Variants in NUMB observed in about 807,000 individuals in gnomAD.
NUMB encodes the protein protein numb homolog.
NUMB carries 29 observed loss-of-function variants against 59.7 expected under a neutral mutation model. That is an observed-to-expected ratio of 0.49 (90% CI 0.36 to 0.66). The LOEUF (loss-of-function observed/expected upper bound fraction) is 0.66, where lower values mean the gene tolerates loss of function less well. Among genes scored for constraint, NUMB ranks in the 30% least tolerant of loss-of-function variants. The pLI is 0.00. For missense variants in NUMB, 723 were observed against 822.0 expected, an observed-to-expected ratio of 0.88 and a Z score of 1.47; for synonymous variants, 288 against 288.2, an observed-to-expected ratio of 1.00 and a Z score of 0.01.
At chr14:73,454,843 C>T (rs1884235510) in intron 1 of NUMB, among the ~76,000 whole-genome samples, 1 of 152,130 alleles carries the variant, frequency 6.6e-6, no homozygotes, top group Non-Finnish European at 1.5e-5. Flanking sequence ...GAAGAATGAA[C>T]TTTTCTATTT....
intron 1 of NUMB, among the ~76,000 whole-genome samples, chr14:73,430,540 G>A (rs1897779009): frequency 6.6e-6 from 1 of 151,994 alleles, no homozygotes; most frequent in Non-Finnish European, 1.5e-5. Context: ...AGGCTGAGGT[G>A]GAAGGATCAC....
chr14:73,452,096 A>C (rs1431247222), intron 1 of NUMB, among the ~76,000 whole-genome samples: 1 of 152,146 alleles, frequency 6.6e-6, no homozygotes, highest in Non-Finnish European at 1.5e-5. Flanking sequence ...GTGGTGGCTC[A>C]CGCCTGGAAT....
intron 6 of NUMB, among the ~76,000 whole-genome samples, chr14:73,306,387 T>C (rs539745982): frequency 6.6e-6 from 1 of 152,282 alleles, no homozygotes; most frequent in African/African-American, 2.4e-5. Flanking sequence ...AAATGAAAAT[T>C]CTAGAGGCAT....
Position 73,355,644 on chromosome 14 carries a change from T to C in NUMB, c.108A>G (p.Lys36=), listed in dbSNP as rs113036648. 19 of 1,613,274 alleles carry C rather than the reference T, an allele frequency of 1.2e-5. No individual in the cohort carries two copies. The African/African-American group carries it at 1.2e-4, about 10-fold the overall frequency. The change falls in exon 4 of 13, where the codon AAA becomes AAG. Residue 36 remains lysine, a synonymous_variant. Coordinates refer to ENST00000555238, the MANE Select transcript of NUMB (RefSeq NM_001005743.2). ...QTDEEGVRTG[K]CSFPVKYLGH... is the part of the protein sequence containing the mutation. ...CTCTTACCTTAACCGGGAAGCTACA[T>C]TTTCCGGTGCGAACGCCTTCTTCAT... is the stretch of plus-strand genomic sequence containing the variant.
chr14:73,412,659 G>T (rs1179331414), intron 1 of NUMB, among the ~76,000 whole-genome samples: 2 of 151,786 alleles, frequency 1.3e-5, no homozygotes, highest in African/African-American at 4.8e-5. Flanking sequence ...AAGAGATGGG[G>T]TGTCTTGCTC....
At chr14:73,302,099 A>T (rs1477079586) in intron 6 of NUMB, among the ~76,000 whole-genome samples, 4 of 151,974 alleles carry the variant, frequency 2.6e-5, no homozygotes, top group African/African-American at 9.7e-5. Context: ...AAAAAAAAAT[A>T]AAAAAAATTG....
intron 10 of NUMB, among the ~76,000 whole-genome samples, chr14:73,283,339 C>T (rs1211404406): frequency 6.6e-6 from 1 of 152,160 alleles, no homozygotes; most frequent in Non-Finnish European, 1.5e-5. Context: ...TACTTTTATA[C>T]CATCAGTAGG....
At chr14:73,432,350 C>G (rs1213333261) in intron 1 of NUMB, among the ~76,000 whole-genome samples, 2 of 151,680 alleles carry the variant, frequency 1.3e-5, no homozygotes, top group African/African-American at 4.8e-5. Flanking sequence ...AACACAAGAA[C>G]AGGCTCACAT....
Position 73,352,457 on chromosome 14 carries a change from C to T in NUMB, c.126+3169G>A, listed in dbSNP as rs1156409217. 6.4e-3 allele frequency among the ~76,000 whole-genome samples: 122 copies of T among 19,008 alleles called. 5 individuals carry two copies. Among genetic ancestry groups the T allele is most frequent in the African/African-American group, 0.022 (66 of 2,976 alleles). The allele number at this position is 19,008 out of a possible 152,430, so 12.5% of individuals were successfully genotyped here. A position where few individuals can be genotyped will look rare whatever the true frequency, so the allele number is the denominator to read the frequency against. On this transcript the variant is annotated intron_variant, in intron 4 of 12. Coordinates refer to ENST00000555238, the MANE Select transcript of NUMB (RefSeq NM_001005743.2). ...ATACACACACACACACACACACACA[C>T]ATACACACACACACACACACATATA...
At chr14:73,411,457 A>C (rs1379221270) in intron 1 of NUMB, among the ~76,000 whole-genome samples, 1 of 152,214 alleles carries the variant, frequency 6.6e-6, no homozygotes, top group African/African-American at 2.4e-5. Flanking sequence ...TTCAGCTCAC[A>C]CACCTTCCAG....
At chr14:73,386,841 A>G (rs1272654948) in intron 2 of NUMB, among the ~76,000 whole-genome samples, 1 of 150,632 alleles carries the variant, frequency 6.6e-6, no homozygotes, top group African/African-American at 2.4e-5. Context: ...AGGAAAAATA[A>G]TACAAGACAA....
intron 1 of NUMB, among the ~76,000 whole-genome samples, chr14:73,426,782 G>T (rs1376421427): frequency 6.6e-6 from 1 of 152,120 alleles, no homozygotes; most frequent in African/African-American, 2.4e-5. Flanking sequence ...GGGAGGCGGA[G>T]GTTGCAGTGA....
intron 1 of NUMB, among the ~76,000 whole-genome samples, chr14:73,444,962 C>G (rs1425885252): frequency 6.6e-6 from 1 of 151,440 alleles, no homozygotes; most frequent in East Asian, 1.9e-4. Context: ...TTGCAGGGAA[C>G]AAATTGAGAA....
intron 2 of NUMB, among the ~76,000 whole-genome samples, chr14:73,381,723 A>G (rs1018890548): frequency 2.0e-5 from 3 of 152,202 alleles, no homozygotes; most frequent in Non-Finnish European, 4.4e-5. Flanking sequence ...CAGAATCCTC[A>G]TATGTTTGCC....
chr14:73,427,239 G>A (rs1357098412), intron 1 of NUMB, among the ~76,000 whole-genome samples: 1 of 152,020 alleles, frequency 6.6e-6, no homozygotes, highest in Admixed American at 6.6e-5. Flanking sequence ...AGCACTTTGG[G>A]AGGCAGAGGC....
intron 2 of NUMB, among the ~76,000 whole-genome samples, chr14:73,395,819 T>C (rs562388593): frequency 1.3e-5 from 2 of 152,202 alleles, no homozygotes; most frequent in South Asian, 2.1e-4. Flanking sequence ...TCAACTGTCC[T>C]CTTTGAAAAA....
chr14:73,415,427 G>A (rs968533567), intron 1 of NUMB, among the ~76,000 whole-genome samples: 1 of 151,866 alleles, frequency 6.6e-6, no homozygotes, highest in Non-Finnish European at 1.5e-5. Flanking sequence ...ATTTTTCTAT[G>A]ATTACACTCC....
intron 1 of NUMB, among the ~76,000 whole-genome samples, chr14:73,417,844 T>C (rs1161718829): frequency 1.3e-5 from 2 of 152,226 alleles, no homozygotes; most frequent in African/African-American, 4.8e-5. Flanking sequence ...CCATGGCTCA[T>C]GCCTGTAATC....
At chr14:73,367,348 T>TATATATATATATAGAGAGAGAGAGAGAG (rs1555375287) in intron 2 of NUMB, among the ~76,000 whole-genome samples, 1 of 105,326 alleles carries the variant, frequency 9.5e-6, no homozygotes, top group African/African-American at 5.0e-5. Context: ...TATATATATA[T>TATATATATATATAGAGAGAGAGAGAGAG]AGAGAGAGAG....
Sources: gnomAD v4.1 joint callset for allele counts (sites outside exome capture counted in the v4.1 genomes callset) on GRCh38, gnomAD v4.1.1 for gene constraint, MANE v1.5 for transcripts, NCBI Gene and HGNC (gene_info 2026-07-23, HGNC 2026-07-21) for gene names.